The following GPHN variants were observed in gnomAD, a reference collection of about 807,000 sequenced individuals.
The protein encoded by GPHN is gephyrin.
GPHN carries 17 observed loss-of-function variants against 95.5 expected under a neutral mutation model. The ratio of observed to expected loss-of-function variants is 0.18; its 90% CI spans 0.12 to 0.27. GPHN has a LOEUF of 0.27. GPHN is among the 10% of genes least tolerant of loss of function. The pLI is 1.00. For missense variants in GPHN, 660 were observed against 978.1 expected, an observed-to-expected ratio of 0.67 and a Z score of 4.34; for synonymous variants, 320 against 322.5, an observed-to-expected ratio of 0.99 and a Z score of 0.08.
chr14:67,456,661 G>T, the GPHN span, among the ~76,000 whole-genome samples: 2 of 151,848 alleles, frequency 1.3e-5, no homozygotes, highest in Non-Finnish European at 2.9e-5. Flanking sequence ...GAAGAGGAAT[G>T]CTTACACATT....
rs569541619 is a variant in GPHN at position 66,998,261 on chromosome 14, T to G, written c.964-25372T>G. Among the ~76,000 whole-genome samples, 7 of 152,246 alleles carry G rather than the reference T, an allele frequency of 4.6e-5. No individual in the cohort carries two copies. In the South Asian group the frequency reaches 1.2e-3, roughly 27 times the overall value. ...CTTTCTTTATTTGTCATGAAGTGTG[T>G]TTCTCTTTCTGTCACTCGTGGTAGG... On this transcript the variant is annotated intron_variant, in intron 9 of 22. Transcript: ENST00000478722.
chr14:67,081,264 C>T (rs548274542), intron 11 of GPHN, among the ~76,000 whole-genome samples: 1 of 152,222 alleles, frequency 6.6e-6, no homozygotes, highest in Admixed American at 6.5e-5. Context: ...ACATCCCCAC[C>T]AACATCTATT....
At chr14:66,851,441 A>G (rs1383488203) in intron 4 of GPHN, among the ~76,000 whole-genome samples, 2 of 152,122 alleles carry the variant, frequency 1.3e-5, no homozygotes, top group Non-Finnish European at 2.9e-5. Flanking sequence ...GTGGAACCAT[A>G]TAATATGTAA....
chr14:66,959,779 T>G (rs932672505), intron 8 of GPHN, among the ~76,000 whole-genome samples: 2 of 152,096 alleles, frequency 1.3e-5, no homozygotes, highest in African/African-American at 4.8e-5. Flanking sequence ...TTCATCAAAT[T>G]TGGGAAGTTT....
At chr14:66,520,259 G>A (rs890928448) in intron 1 of GPHN, among the ~76,000 whole-genome samples, 1 of 152,088 alleles carries the variant, frequency 6.6e-6, no homozygotes, top group Non-Finnish European at 1.5e-5. Context: ...AAGGGTATAT[G>A]AACTTAAAAA....
chr14:66,868,101 C>T (rs2063294793), intron 4 of GPHN, among the ~76,000 whole-genome samples: 1 of 152,078 alleles, frequency 6.6e-6, no homozygotes, highest in African/African-American at 2.4e-5. Flanking sequence ...ACTTTGATAA[C>T]TTAACAAAGT....
At chr14:66,692,057 G>A (rs750109268) in intron 2 of GPHN, among the ~76,000 whole-genome samples, 6 of 152,042 alleles carry the variant, frequency 3.9e-5, no homozygotes, top group African/African-American at 7.2e-5. Context: ...TGTTTTTCTG[G>A]GGCGAAAGTC....
chr14:66,621,778 G>A (rs773453335), intron 1 of GPHN, among the ~76,000 whole-genome samples: 1 of 152,080 alleles, frequency 6.6e-6, no homozygotes, highest in African/African-American at 2.4e-5. Flanking sequence ...TCTCATGTCC[G>A]GGTCATGCTG....
At chr14:66,709,914 A>G (rs536226034) in intron 2 of GPHN, among the ~76,000 whole-genome samples, 1 of 152,228 alleles carries the variant, frequency 6.6e-6, no homozygotes, top group East Asian at 1.9e-4. Flanking sequence ...TTGCAGGAAC[A>G]AAGTTGATGC....
rs142406972 is a variant in GPHN at position 67,066,722 on chromosome 14, G to A, written c.1144+7936G>A. ...TCCTTTCTTCCATTTGATCAAATTT[G>A]CTATTGAAGCTAGTGCATGCCTCCC... On this transcript the variant is annotated intron_variant, in intron 11 of 22. Transcript: ENST00000478722. Among the ~76,000 whole-genome samples, 539 of 151,936 alleles carry A rather than the reference G, an allele frequency of 3.5e-3. 1 individual carries two copies. The highest frequency in any genetic ancestry group is 0.012 in the African/African-American group (503 of 41,412).
chr14:67,437,831 G>A, the GPHN span, among the ~76,000 whole-genome samples: 2 of 152,160 alleles, frequency 1.3e-5, no homozygotes, highest in Non-Finnish European at 2.9e-5. Context: ...TGGGAGGCAG[G>A]TGGACAAAGA....
At chr14:67,640,002 T>A in the GPHN span, among the ~76,000 whole-genome samples, 2 of 151,982 alleles carry the variant, frequency 1.3e-5, no homozygotes, top group Admixed American at 1.3e-4. Context: ...GACTTGATAT[T>A]GACTTGAAGG....
intron 4 of GPHN, among the ~76,000 whole-genome samples, chr14:66,862,221 A>C (rs2063052236): frequency 6.6e-6 from 1 of 152,098 alleles, no homozygotes; most frequent in South Asian, 2.1e-4. Flanking sequence ...CTATATACCA[A>C]AAAGTTAGAA....
At chr14:66,531,935 T>C (rs1169503542) in intron 1 of GPHN, among the ~76,000 whole-genome samples, 1 of 152,218 alleles carries the variant, frequency 6.6e-6, no homozygotes, top group African/African-American at 2.4e-5. Context: ...TATTCAGCTC[T>C]GCCCTTGTAG....
chr14:66,801,970 C>T (rs1298337943), intron 3 of GPHN, among the ~76,000 whole-genome samples: 1 of 152,142 alleles, frequency 6.6e-6, no homozygotes, highest in Non-Finnish European at 1.5e-5. Flanking sequence ...TTTCTGGCTA[C>T]CATCTGTGTT....
At chr14:66,939,366 T>C (rs1343053954) in intron 8 of GPHN, among the ~76,000 whole-genome samples, 1 of 151,940 alleles carries the variant, frequency 6.6e-6, no homozygotes, top group Non-Finnish European at 1.5e-5. Flanking sequence ...GAGCAAAGAT[T>C]GTTGTAGAAA....
chr14:67,136,257 G>C (rs1414743619), intron 17 of GPHN, among the ~76,000 whole-genome samples: 1 of 152,178 alleles, frequency 6.6e-6, no homozygotes, highest in African/African-American at 2.4e-5. Flanking sequence ...GGTGAGAATG[G>C]AGTTACAGTG....
At chr14:67,434,354 G>A in the GPHN span, among the ~76,000 whole-genome samples, 2 of 152,116 alleles carry the variant, frequency 1.3e-5, no homozygotes, top group Non-Finnish European at 2.9e-5. Flanking sequence ...TAATTCTAAG[G>A]AAGTAGCTAA....
At chr14:66,668,863 C>G (rs888860770) in intron 1 of GPHN, among the ~76,000 whole-genome samples, 5 of 151,722 alleles carry the variant, frequency 3.3e-5, no homozygotes, top group African/African-American at 9.7e-5. Flanking sequence ...ATTACCTTTC[C>G]CACTTTCCTG....
Sources: allele counts gnomAD v4.1 joint callset (sites outside exome capture counted in the v4.1 genomes callset), GRCh38; gene constraint gnomAD v4.1.1; transcripts MANE v1.5; gene names NCBI Gene and HGNC (gene_info 2026-07-23, HGNC 2026-07-21).